DGKI: variants seen among roughly 807,000 people sequenced by gnomAD.
DGKI encodes the protein DAG kinase iota.
DGKI carries 55 observed loss-of-function variants against 147.5 expected under a neutral mutation model. That is an observed-to-expected ratio of 0.37 (90% CI 0.30 to 0.47). DGKI has a LOEUF of 0.47. Among genes scored for constraint, DGKI ranks in the 20% least tolerant of loss-of-function variants. The pLI is 1.00. For missense variants in DGKI, 1,007 were observed against 1,323.8 expected (o/e 0.76, Z 3.71); for synonymous variants, 469 against 477.1 (o/e 0.98, Z 0.22).
chr7:137,461,827 G>C (rs1814454605), intron 27 of DGKI, among the ~76,000 whole-genome samples: 2 of 152,094 alleles, frequency 1.3e-5, no homozygotes, highest in African/African-American at 2.4e-5. Flanking sequence ...AAAACTTATA[G>C]CTGTAAATTG....
At chr7:137,397,295 A>G in intron 31 of DGKI, 82 bp downstream of exon 31, 1 of 1,323,074 alleles carries the variant, frequency 7.6e-7, no homozygotes, top group Non-Finnish European at 1.1e-6. Context: ...ATTACCTATG[A>G]TATGCTCTAT....
intron 27 of DGKI, among the ~76,000 whole-genome samples, chr7:137,450,198 G>C (rs1184295330): frequency 6.6e-6 from 1 of 152,160 alleles, no homozygotes; most frequent in Non-Finnish European, 1.5e-5. Flanking sequence ...AGGAAGAATA[G>C]TTCAGGAGAT....
At position 137,846,662 on chromosome 7, in the gene DGKI, GC is replaced by G; in HGVS notation, c.200del (p.Gly67AlafsTer56). ...SSAGEEKGAT[G>X]GSSSSGSGAG... is the part of the protein sequence containing the mutation. ...CGCCGCTTCCGCTGCTGCTGCTGCC[GC>G]CCGTCGCCCCTTTCTCCTCTCCCGC... On this transcript the variant is annotated frameshift_variant, in exon 1 of 33. Transcript: ENST00000614521. LOFTEE classifies it high-confidence loss of function. The surrounding 1 kb of genome is among the most constrained non-coding windows in gnomAD (Gnocchi z 4.0). 1 of 1,069,434 alleles carries G rather than the reference GC, an allele frequency of 9.4e-7. No individual in the cohort carries two copies. The highest frequency in any genetic ancestry group is 3.3e-5 in the South Asian group (1 of 30,444). 66.2% of individuals were successfully genotyped at this position (1,069,434 alleles called of 1,614,324 possible).
rs539694141 is a variant in DGKI at position 137,620,023 on chromosome 7, A to ACACC, written c.877-84_877-83insGGTG. 98 of 595,894 alleles carry ACACC rather than the reference A, an allele frequency of 1.6e-4. 1 individual carries two copies. Among genetic ancestry groups the ACACC allele is most frequent in the Non-Finnish European group, 2.4e-4 (84 of 355,528 alleles). The allele number at this position is 595,894 out of a possible 1,614,324, so 36.9% of individuals were successfully genotyped here. A position where few individuals can be genotyped will look rare whatever the true frequency, so the allele number is the denominator to read the frequency against. On this transcript the variant is annotated intron_variant, in intron 7 of 32. Coordinates refer to ENST00000614521, the MANE Select transcript of DGKI (RefSeq NM_001321708.2). ...AAGGGATAAATATGTACACACGCACACACACACACACACACACACACACAC... is the reference window on the plus strand; with the variant it reads ...AAGGGATAAATATGTACACACGCACACACCCACACACACACACACACACACACAC...
chr7:137,428,833 T>C (rs1190246193), intron 28 of DGKI, among the ~76,000 whole-genome samples: 1 of 151,930 alleles, frequency 6.6e-6, no homozygotes, highest in Admixed American at 6.6e-5. Flanking sequence ...TACCTAGGAA[T>C]CCAACTTACA....
intron 28 of DGKI, among the ~76,000 whole-genome samples, chr7:137,441,790 A>T (rs755903385): frequency 1.3e-4 from 20 of 152,224 alleles, no homozygotes; most frequent in Non-Finnish European, 1.9e-4. Context: ...TGTGTCCAAC[A>T]TGCCTTAAAT....
At chr7:137,726,515 G>A (rs1360530818) in intron 1 of DGKI, among the ~76,000 whole-genome samples, 1 of 152,190 alleles carries the variant, frequency 6.6e-6, no homozygotes, top group Admixed American at 6.5e-5. Context: ...ACTGGATCAT[G>A]ATGTTTGTTG....
intron 27 of DGKI, among the ~76,000 whole-genome samples, chr7:137,450,664 G>A (rs970820728): frequency 6.6e-6 from 1 of 152,262 alleles, no homozygotes; most frequent in South Asian, 2.1e-4. Flanking sequence ...AGAGGTTGCA[G>A]TGAGCCAAGA....
At chr7:137,451,249 A>T (rs888708834) in intron 27 of DGKI, among the ~76,000 whole-genome samples, 1 of 152,204 alleles carries the variant, frequency 6.6e-6, no homozygotes, top group African/African-American at 2.4e-5. Flanking sequence ...TGGCAGTCTG[A>T]ATATATGAAA....
chr7:137,775,961 C>A (rs951271438), intron 1 of DGKI, among the ~76,000 whole-genome samples: 5 of 151,858 alleles, frequency 3.3e-5, no homozygotes, highest in African/African-American at 1.2e-4. Context: ...TGGGTTCAAG[C>A]GATTCTCCTG....
At chr7:137,771,883 G>A (rs1167336894) in intron 1 of DGKI, 2 of 152,184 alleles carry the variant, frequency 1.3e-5, no homozygotes, top group African/African-American at 4.8e-5. Flanking sequence ...CACTGTTCTT[G>A]GGAATTCCAG....
At chr7:137,768,855 C>A (rs910954186) in intron 1 of DGKI, among the ~76,000 whole-genome samples, 4 of 152,134 alleles carry the variant, frequency 2.6e-5, no homozygotes, top group African/African-American at 9.7e-5. Context: ...ATTCAATGGT[C>A]TATATGGCGG....
intron 10 of DGKI, among the ~76,000 whole-genome samples, chr7:137,606,394 A>T (rs1353890977): frequency 6.6e-6 from 1 of 152,202 alleles, no homozygotes; most frequent in Non-Finnish European, 1.5e-5. Flanking sequence ...AAAGCAGGTG[A>T]GTGGAATAAG....
At chr7:137,646,567 G>A (rs1241228025) in intron 5 of DGKI, among the ~76,000 whole-genome samples, 1 of 152,146 alleles carries the variant, frequency 6.6e-6, no homozygotes, top group Non-Finnish European at 1.5e-5. Flanking sequence ...AGGAATGCAG[G>A]CAAGCCCTAA....
At chr7:137,542,959 A>G (rs1817751500) in intron 20 of DGKI, among the ~76,000 whole-genome samples, 1 of 152,042 alleles carries the variant, frequency 6.6e-6, no homozygotes, top group Non-Finnish European at 1.5e-5. Flanking sequence ...TAAACACTCA[A>G]TAATGTTTGT....
At chr7:137,590,996 C>A (rs535041640) in intron 12 of DGKI, among the ~76,000 whole-genome samples, 2 of 152,292 alleles carry the variant, frequency 1.3e-5, no homozygotes, top group African/African-American at 2.4e-5. Context: ...GCTGATGCTG[C>A]GTCTTCTAAC....
chr7:137,398,914 A>G (rs1811649114), intron 30 of DGKI, among the ~76,000 whole-genome samples: 1 of 151,938 alleles, frequency 6.6e-6, no homozygotes, highest in Non-Finnish European at 1.5e-5. Flanking sequence ...AATACATCAT[A>G]TCTACTGCTT....
At chr7:137,658,925 A>G (rs1822319712) in intron 3 of DGKI, among the ~76,000 whole-genome samples, 1 of 152,234 alleles carries the variant, frequency 6.6e-6, no homozygotes, top group Admixed American at 6.5e-5. Flanking sequence ...TATGGAGTCG[A>G]GTGCTGTAAG....
At chr7:137,582,082 G>T (rs1400426175) in intron 14 of DGKI, among the ~76,000 whole-genome samples, 154 bp from the exon 15 acceptor site, 1 of 152,066 alleles carries the variant, frequency 6.6e-6, no homozygotes, top group African/African-American at 2.4e-5. Flanking sequence ...GAAAGAACAG[G>T]AAATTATTGG....
Sources: gnomAD v4.1 joint callset for allele counts (sites outside exome capture counted in the v4.1 genomes callset) on GRCh38, gnomAD v4.1.1 for gene constraint, Gnocchi (gnomAD v3.1) non-coding constraint, MANE v1.5 for transcripts, NCBI Gene and HGNC (gene_info 2026-07-23, HGNC 2026-07-21) for gene names.